The following ST6GALNAC3 variants were observed in gnomAD, a reference collection of about 807,000 sequenced individuals.
ST6GALNAC3 encodes the protein alpha-N-acetylgalactosaminide alpha-2,6-sialyltransferase 3.
A neutral mutation model predicts 32.7 loss-of-function variants in ST6GALNAC3; 25 were observed. That is an observed-to-expected ratio of 0.76 (90% confidence interval 0.56 to 1.07). ST6GALNAC3 has a LOEUF of 1.07. Among genes scored for constraint, ST6GALNAC3 ranks in the 50% least tolerant of loss-of-function variants. The pLI is 0.00. For missense variants in ST6GALNAC3, 355 were observed against 382.4 expected (o/e 0.93, Z 0.60); for synonymous variants, 129 against 133.1 (o/e 0.97, Z 0.21).
chr1:76,083,634 AT>A (rs1399798465), intron 1 of ST6GALNAC3, among the ~76,000 whole-genome samples: 3 of 152,222 alleles, frequency 2.0e-5, no homozygotes, highest in Non-Finnish European at 2.9e-5. Flanking sequence ...GCAATTGTAC[AT>A]TTCCTAAGAG....
intron 3 of ST6GALNAC3, among the ~76,000 whole-genome samples, chr1:76,559,175 G>A (rs1050283855): frequency 2.0e-5 from 3 of 152,074 alleles, no homozygotes; most frequent in African/African-American, 7.2e-5. Flanking sequence ...TTACTTTGCT[G>A]GTTCAAGAAG....
chr1:76,399,646 T>A (rs1393819706), intron 2 of ST6GALNAC3, among the ~76,000 whole-genome samples: 1 of 152,210 alleles, frequency 6.6e-6, no homozygotes, highest in African/African-American at 2.4e-5. Flanking sequence ...ATTGAGATTA[T>A]CTTGAACCTA....
rs1334283670 is a variant in ST6GALNAC3, at chr1:76,352,455, T to C, written c.213+38456T>C. 2.0e-5 allele frequency among the ~76,000 whole-genome samples: 3 copies of C among 151,656 alleles called. No homozygotes were observed. In the East Asian group the frequency reaches 5.8e-4, roughly 29 times the overall value. ...TCAGAACTGTGCCTGTCCCTCCTGC[T>C]TTCCCTCTGTCTCACTGGTTATTTT... On this transcript the variant is annotated intron_variant, in intron 2 of 4. Coordinates refer to ENST00000328299, the MANE Select transcript of ST6GALNAC3 (RefSeq NM_152996.4).
intron 1 of ST6GALNAC3, among the ~76,000 whole-genome samples, chr1:76,281,609 C>T (rs1659501019): frequency 1.3e-5 from 2 of 152,188 alleles, no homozygotes; most frequent in African/African-American, 4.8e-5. Flanking sequence ...CAACAGACAG[C>T]ACCCTTCTGT....
At chr1:76,156,313 T>G (rs1651419675) in intron 1 of ST6GALNAC3, among the ~76,000 whole-genome samples, 1 of 151,272 alleles carries the variant, frequency 6.6e-6, no homozygotes, top group Admixed American at 6.6e-5. Context: ...TATACTGTAC[T>G]ATCACAAGAA....
intron 1 of ST6GALNAC3, among the ~76,000 whole-genome samples, chr1:76,106,247 G>A (rs911104968): frequency 6.6e-6 from 1 of 152,120 alleles, no homozygotes; most frequent in Admixed American, 6.6e-5. Flanking sequence ...TGATTTATTT[G>A]TAAGACTAAA....
At chr1:76,229,452 T>G (rs915915730) in intron 1 of ST6GALNAC3, among the ~76,000 whole-genome samples, 2 of 152,154 alleles carry the variant, frequency 1.3e-5, no homozygotes, top group Non-Finnish European at 2.9e-5. Context: ...GAAACCTTCC[T>G]TTTTTTCAGG....
chr1:76,597,144 A>G (rs937111889), intron 3 of ST6GALNAC3, among the ~76,000 whole-genome samples: 1 of 152,156 alleles, frequency 6.6e-6, no homozygotes. Flanking sequence ...CTTGCTAATG[A>G]CACTCTCATC....
chr1:76,237,018 A>G (rs1656693873), intron 1 of ST6GALNAC3, among the ~76,000 whole-genome samples: 1 of 152,176 alleles, frequency 6.6e-6, no homozygotes, highest in African/African-American at 2.4e-5. Flanking sequence ...AAGAGCTCAC[A>G]GTTAGTTTAG....
rs181314819 is a variant in ST6GALNAC3 at position 76,625,712 on chromosome 1, A to G, written c.624-1740A>G. On this transcript the variant is annotated intron_variant, in intron 3 of 4. Coordinates refer to ENST00000328299, the MANE Select transcript of ST6GALNAC3 (RefSeq NM_152996.4). The stretch of plus-strand genomic sequence containing the variant: ...GGATTGACTGCAGGTTAAGTTGTCT[A>G]AAAGGCAAAGTTGTTCGTTACTGTA... 2.6e-5 allele frequency among the ~76,000 whole-genome samples: 4 copies of G among 151,996 alleles called. No individual in the cohort carries two copies. The East Asian group carries it at 7.8e-4, about 30-fold the overall frequency.
In ST6GALNAC3 at chr1:76,544,096, TA is replaced by T. The variant is rs1664152414; in HGVS notation, c.624-83355del. Reference sequence around the variant, plus strand: ...AATTACATTTATATATATATATATATATATGAAATTTAAATTGAGCTACGTA... The same window carrying T: ...AATTACATTTATATATATATATATATTATGAAATTTAAATTGAGCTACGTA... On this transcript the variant is annotated intron_variant, in intron 3 of 4. Coordinates refer to ENST00000328299, the MANE Select transcript of ST6GALNAC3 (RefSeq NM_152996.4). Among the ~76,000 whole-genome samples the T allele has an allele frequency of 2.0e-5, 3 of 150,276 alleles. No homozygotes were observed. The South Asian group carries it at 6.2e-4, about 31-fold the overall frequency.
chr1:76,567,322 A>T (rs1299779512), intron 3 of ST6GALNAC3, among the ~76,000 whole-genome samples: 1 of 152,154 alleles, frequency 6.6e-6, no homozygotes. Context: ...TATTCATGAG[A>T]GCAATCACAC....
chr1:76,563,508 A>C (rs1665369455), intron 3 of ST6GALNAC3, among the ~76,000 whole-genome samples: 2 of 152,218 alleles, frequency 1.3e-5, no homozygotes, highest in Non-Finnish European at 2.9e-5. Flanking sequence ...AATACTTGGA[A>C]TTTCAAATCA....
chr1:76,445,415 C>T (rs180955965), intron 3 of ST6GALNAC3, among the ~76,000 whole-genome samples: 1 of 152,268 alleles, frequency 6.6e-6, no homozygotes, highest in East Asian at 1.9e-4. Flanking sequence ...GATGCACACT[C>T]AAGTTTGAGA....
At chr1:76,531,791 AG>A (rs1304911579) in intron 3 of ST6GALNAC3, among the ~76,000 whole-genome samples, 1 of 152,164 alleles carries the variant, frequency 6.6e-6, no homozygotes, top group Admixed American at 6.5e-5. Flanking sequence ...GGGAGGTCAA[AG>A]GTCAAGGTAA....
chr1:76,448,382 G>A (rs577674623), intron 3 of ST6GALNAC3, among the ~76,000 whole-genome samples: 4 of 152,320 alleles, frequency 2.6e-5, no homozygotes, highest in East Asian at 3.9e-4. Flanking sequence ...TGTCTCACAT[G>A]AGACGTTGGT....
intron 3 of ST6GALNAC3, among the ~76,000 whole-genome samples, chr1:76,517,216 A>G (rs1220800397): frequency 2.0e-5 from 3 of 151,864 alleles, no homozygotes; most frequent in African/African-American, 7.2e-5. Context: ...CCACCCAAGA[A>G]CACAATATAT....
At chr1:76,515,632 A>G (rs1355153934) in intron 3 of ST6GALNAC3, among the ~76,000 whole-genome samples, 2 of 152,146 alleles carry the variant, frequency 1.3e-5, no homozygotes, top group Admixed American at 6.5e-5. Context: ...ATTTGTCTCA[A>G]GGAATTTTTA....
intron 3 of ST6GALNAC3, among the ~76,000 whole-genome samples, chr1:76,461,560 T>C (rs1002175610): frequency 3.3e-5 from 5 of 152,186 alleles, no homozygotes; most frequent in African/African-American, 1.2e-4. Flanking sequence ...TGGGCTGAAG[T>C]TTCTGTCTCA....
Sources: allele counts gnomAD v4.1 joint callset (sites outside exome capture counted in the v4.1 genomes callset), GRCh38; gene constraint gnomAD v4.1.1; transcripts MANE v1.5; gene names NCBI Gene and HGNC (gene_info 2026-07-23, HGNC 2026-07-21).